MAN2C1: variants seen among roughly 807,000 people sequenced by gnomAD.
MAN2C1 encodes the protein mannosidase alpha class 2C member 1.
In MAN2C1, 111 loss-of-function variants were observed where a neutral mutation model predicts 126.9. That is an observed-to-expected ratio of 0.87 (90% CI 0.75 to 1.02). The LOEUF is 1.02. MAN2C1 is among the 50% of genes least tolerant of loss of function. The pLI is 0.00. For missense variants in MAN2C1, 1,363 were observed against 1,364.4 expected (o/e 1.00, Z 0.02); for synonymous variants, 567 against 561.5 (o/e 1.01, Z -0.14).
chr15:75,358,447 C>T lies in MAN2C1; in HGVS notation c.2403+15G>A. On this transcript the variant is annotated intron_variant, in intron 20 of 25. Coordinates refer to ENST00000267978, the MANE Select transcript of MAN2C1 (RefSeq NM_006715.4). ...CACACTTGGGGAAAACAGCCACCCCCTACCCCCCGACTACCTCGGTGTGGA... is the reference window on the plus strand; with the variant it reads ...CACACTTGGGGAAAACAGCCACCCCTTACCCCCCGACTACCTCGGTGTGGA... 6.2e-7 allele frequency: 1 copy of T among 1,613,308 alleles called. No homozygotes were observed. Among genetic ancestry groups the T allele is most frequent in the Non-Finnish European group, 8.5e-7 (1 of 1,179,758 alleles).
rs371634709 is a variant in MAN2C1, at chr15:75,364,112, G to C, written c.677C>G (p.Ala226Gly). ...GGCCACTGGGAAGGTCTCGGGCTGG[G>C]CAGGGTCACACACGTTCACCATCTG... ...ANQMVNVCDP[A>G]QPETFPVAQA... The change falls in exon 6 of 26, where the codon GCC (alanine) becomes GGC (glycine). Residue 226 changes from alanine to glycine, a missense_variant. Physicochemically the swap from Ala to Gly is moderately conservative, Grantham distance 60 (BLOSUM62 0). Transcript: ENST00000267978. 6 of 1,614,106 alleles carry C rather than the reference G, an allele frequency of 3.7e-6. No homozygotes were observed. The highest frequency in any genetic ancestry group is 4.2e-6 in the Non-Finnish European group (5 of 1,180,050).
In MAN2C1 at chr15:75,360,620, C is replaced by T. The variant is rs540093050; in HGVS notation, c.1529G>A (p.Trp510Ter). 23 of 1,613,906 alleles carry T rather than the reference C, an allele frequency of 1.4e-5. No individual in the cohort carries two copies. The South Asian group carries it at 2.3e-4, about 16-fold the overall frequency. The change falls in exon 13 of 26, where the codon TGG becomes TAG. Residue 510 changes from tryptophan to a stop codon, truncating the protein, a stop_gained. Transcript: ENST00000267978. LOFTEE classifies it high-confidence loss of function. Reference sequence around the variant, plus strand: ...CAGCTCCAAGAAGAGCTCCCCAACCCACGTGCACAGCTGCTCTGAGTCACT... The same window carrying T: ...CAGCTCCAAGAAGAGCTCCCCAACCTACGTGCACAGCTGCTCTGAGTCACT... ...LESDSEQLCTWVGELFLELHN... is the reference protein window; with the variant it reads ...LESDSEQLCT
chr15:75,367,040 C>A (rs1299903594), intron 3 of MAN2C1, among the ~76,000 whole-genome samples: 1 of 152,152 alleles, frequency 6.6e-6, no homozygotes, highest in Non-Finnish European at 1.5e-5. Flanking sequence ...TGGTCTCTGC[C>A]TTCTTGTAGC....
chr15:75,359,977 A>C lies in MAN2C1; in HGVS notation c.1718T>G (p.Leu573Arg), dbSNP rs775388503. ...QLQHLWRLLL[L>R]NQFHDVVTGS... ...AGTCACCACATCATGGAACTGGTTC[A>C]GAAGAAGGAGCCTGCAGGGGCCAAG... Residue 573 changes from leucine to arginine, a missense_variant, in exon 15 of 26, where the codon CTG becomes CGG. By Grantham distance (102) the Leu-to-Arg change is moderately radical. This residue lies in a region of MAN2C1 where 668 missense variants were observed against 650.1 expected (regional missense o/e 1.03). Transcript: ENST00000267978. 3.7e-6 allele frequency: 6 copies of C among 1,613,694 alleles called. No homozygotes were observed. The highest frequency in any genetic ancestry group is 4.2e-6 in the Non-Finnish European group (5 of 1,179,624).
chr15:75,368,218 G>C lies in MAN2C1; in HGVS notation c.102-20C>G. 6.3e-7 allele frequency: 1 copy of C among 1,592,832 alleles called. No homozygotes were observed. The highest frequency in any genetic ancestry group is 2.2e-4 in the Middle Eastern group (1 of 4,454). On this transcript the variant is annotated intron_variant, in intron 1 of 25. Coordinates refer to ENST00000267978, the MANE Select transcript of MAN2C1 (RefSeq NM_006715.4). ...AAAAGCCTGCGTGGGACGGGCCGGT[G>C]GGCACATGCTGGAGGCCGCCCCGTT...
intron 21 of MAN2C1, among the ~76,000 whole-genome samples, chr15:75,357,528 C>T (rs1454254457): frequency 5.3e-5 from 8 of 151,938 alleles, no homozygotes; most frequent in Admixed American, 1.3e-4. Flanking sequence ...ATGATGGTCT[C>T]GATCTCTTGA....
Position 75,359,997 on chromosome 15 carries a change from G to A in MAN2C1, c.1707-9C>T, listed in dbSNP as rs978393548. The A allele has an allele frequency of 6.2e-7, 1 of 1,614,040 alleles. No homozygotes were observed. The highest frequency in any genetic ancestry group is 1.7e-5 in the Admixed American group (1 of 60,006). On this transcript the variant is annotated splice_polypyrimidine_tract_variant and intron_variant, in intron 14 of 25. Coordinates refer to ENST00000267978, the MANE Select transcript of MAN2C1 (RefSeq NM_006715.4). ...GGTTCAGAAGAAGGAGCCTGCAGGG[G>A]CCAAGGGCAGGGATGGGAAGGCTGG...
At chr15:75,366,379 C>G in intron 4 of MAN2C1, 143 bp downstream of exon 4, 1 of 697,156 alleles carries the variant, frequency 1.4e-6, no homozygotes, top group South Asian at 1.6e-5. Context: ...AAAAATCATG[C>G]TTTTAAAAGC....
chr15:75,367,655 T>C (rs747965317), intron 2 of MAN2C1, 21 bp from the exon 3 acceptor site: 14 of 1,613,870 alleles, frequency 8.7e-6, no homozygotes, highest in East Asian at 4.5e-5. Context: ...GCTGTTGTGA[T>C]AGGCCTAGAG....
chr15:75,363,119 G>A, intron 6 of MAN2C1: 1 of 447,360 alleles, frequency 2.2e-6, no homozygotes, highest in Non-Finnish European at 4.5e-6. Context: ...TCCCAGGATG[G>A]AGCCAGCTGT....
In MAN2C1 at chr15:75,368,102, G is replaced by T. The variant is rs760333914; in HGVS notation, c.198C>A (p.Pro66=). The T allele has an allele frequency of 1.2e-6, 2 of 1,607,504 alleles. No individual in the cohort carries two copies. The highest frequency in any genetic ancestry group is 1.7e-5 in the Admixed American group (1 of 59,450). The change falls in exon 2 of 26, where the codon CCC becomes CCA. Residue 66 remains proline, a synonymous_variant. Transcript: ENST00000267978. ...GTCCGAAGCTGTCGCCGACCTGCGC[G>T]GGGCGGAAGTCCCGCTGGACTGCCT... ...YQEAVQRDFR[P]AQVGDSFGPT... is the part of the protein sequence containing the mutation.
chr15:75,367,921 T>TTCCCAGCAGAGGGTGCTGC (rs984903563), intron 2 of MAN2C1, 152 bp downstream of exon 2: 50 of 1,096,664 alleles, frequency 4.6e-5, no homozygotes, highest in Admixed American at 1.1e-4. Context: ...CAGAGAGCTG[T>TTCCCAGCAGAGGGTGCTGC]TCCCAGCAGA....
Position 75,361,410 on chromosome 15 carries a change from G to A in MAN2C1, c.1219-29C>T. On this transcript the variant is annotated intron_variant, in intron 10 of 25. Coordinates refer to ENST00000267978, the MANE Select transcript of MAN2C1 (RefSeq NM_006715.4). This position sits in a 1 kb window ranked among gnomAD's most constrained non-coding sequence, Gnocchi z 5.0. Reference sequence around the variant, plus strand: ...CCAGCAGGGAAACAGAAGCAGGGCAGAGAGGCCAGAGTCAGGGCTGAGGCA... The same window carrying A: ...CCAGCAGGGAAACAGAAGCAGGGCAAAGAGGCCAGAGTCAGGGCTGAGGCA... 6.6e-7 allele frequency: 1 copy of A among 1,516,712 alleles called. No individual in the cohort carries two copies. The highest frequency in any genetic ancestry group is 2.4e-5 in the East Asian group (1 of 42,056). The allele number at this position is 1,516,712 out of a possible 1,614,324, so 94.0% of individuals were successfully genotyped here.
At chr15:75,359,488 G>A (rs1017167667) in intron 16 of MAN2C1, 63 bp from the exon 17 acceptor site, 18 of 1,566,538 alleles carry the variant, frequency 1.1e-5, no homozygotes, top group South Asian at 1.1e-4. Context: ...TGCGCAGGTG[G>A]GGATGGGTTG....
chr15:75,361,058 T>G lies in MAN2C1; in HGVS notation c.1448A>C (p.Asp483Ala). 1 of 1,610,294 alleles carries G rather than the reference T, an allele frequency of 6.2e-7. No individual in the cohort carries two copies. The highest frequency in any genetic ancestry group is 8.5e-7 in the Non-Finnish European group (1 of 1,178,654). ...LDRLKRLSNT[D>A]GLPRVQLSSP... ...GGCCTGGCCTGACCTGGGCAGCCCA[T>G]CCGTATTGCTCAGGCGCTTCAGGCG... Residue 483 changes from aspartate (D) to alanine (A), a missense_variant, in exon 12 of 26, where the codon GAT becomes GCT. By Grantham distance (126) the Asp-to-Ala change is moderately radical (BLOSUM62 -2). Transcript: ENST00000267978. This position sits in a 1 kb window ranked among gnomAD's most constrained non-coding sequence, Gnocchi z 5.0.
At chr15:75,368,365 G>T in intron 1 of MAN2C1, 118 bp downstream of exon 1, 2 of 1,384,806 alleles carry the variant, frequency 1.4e-6, no homozygotes, top group Non-Finnish European at 2.0e-6. Flanking sequence ...CCCCTGCCCT[G>T]CCCGCGGCGG....
At position 75,367,543 on chromosome 15, in the gene MAN2C1, C is replaced by T. The variant is rs753111399; in HGVS notation, c.319G>A (p.Gly107Ser). 1 of 1,614,198 alleles carries T rather than the reference C, an allele frequency of 6.2e-7. No homozygotes were observed. The highest frequency in any genetic ancestry group is 8.5e-7 in the Non-Finnish European group (1 of 1,180,026). Residue 107 changes from glycine (G) to serine (S), a missense_variant, in exon 3 of 26, where the codon GGT becomes AGT. Gly to Ser is a moderately conservative substitution (Grantham distance 56). This residue lies in a region of MAN2C1 where 628 missense variants were observed against 609.8 expected (regional missense o/e 1.03). Transcript: ENST00000267978. ...GGTTCTCCATCACGCCACACCAGAC[C>T]TTCTCCATCACTTTCCCAGCAAAGG... ...VHLCWESDGE[G>S]LVWRDGEPVQ...
At chr15:75,367,987 A>G (rs2072613801) in intron 2 of MAN2C1, 86 bp downstream of exon 2, 2 of 1,464,774 alleles carry the variant, frequency 1.4e-6, no homozygotes, top group East Asian at 4.9e-5. Flanking sequence ...TCTACGGCAG[A>G]GGGCAGACAA....
At chr15:75,358,069 A>T in intron 21 of MAN2C1, 132 bp downstream of exon 21, 1 of 1,124,738 alleles carries the variant, frequency 8.9e-7, no homozygotes, top group Non-Finnish European at 1.3e-6. Flanking sequence ...TAAAGCATTT[A>T]GTGCAATGCC....
Sources: allele counts gnomAD v4.1 joint callset (sites outside exome capture counted in the v4.1 genomes callset), GRCh38; gene constraint gnomAD v4.1.1; regional missense constraint gnomAD v4.1.1; non-coding constraint Gnocchi (gnomAD v3.1); transcripts MANE v1.5; gene names NCBI Gene and HGNC (gene_info 2026-07-23, HGNC 2026-07-21).